PAPOLA: variants seen among roughly 807,000 people sequenced by gnomAD.
The protein encoded by PAPOLA is polynucleotide adenylyltransferase alpha.
PAPOLA carries 15 observed loss-of-function variants against 100.6 expected under a neutral mutation model. The ratio of observed to expected loss-of-function variants is 0.15; its 90% CI spans 0.10 to 0.23. PAPOLA has a LOEUF of 0.23. Among genes scored for constraint, PAPOLA ranks in the 10% least tolerant of loss-of-function variants. The pLI is 1.00. For missense variants in PAPOLA, 533 were observed against 884.2 expected (o/e 0.60, Z 5.04); for synonymous variants, 293 against 300.0 (o/e 0.98, Z 0.24).
Position 96,552,912 on chromosome 14 carries a change from C to T in PAPOLA, c.1664+290C>T, listed in dbSNP as rs545712392. On this transcript the variant is annotated intron_variant, in intron 17 of 21. Transcript: ENST00000216277. ...TATTTAGATAGCTACTGCTACAGTG[C>T]ACTGTATGGTGTGCTGATGAGAACA... 4.4e-5 allele frequency: 15 copies of T among 342,054 alleles called. No individual in the cohort carries two copies. The South Asian group carries it at 5.3e-4, about 12-fold the overall frequency. The allele number at this position is 342,054 out of a possible 1,614,324, so 21.2% of individuals were successfully genotyped here. A position where few individuals can be genotyped will look rare whatever the true frequency, so the allele number is the denominator to read the frequency against.
At chr14:96,542,980 A>G (rs1900115006) in intron 14 of PAPOLA, 87 bp downstream of exon 14, 29 of 1,382,356 alleles carry the variant, frequency 2.1e-5, no homozygotes, top group Non-Finnish European at 2.6e-5. Context: ...TAACTAGTAT[A>G]ACTATTCTGT....
At chr14:96,512,851 A>C (rs1366249377) in intron 1 of PAPOLA, among the ~76,000 whole-genome samples, 2 of 152,218 alleles carry the variant, frequency 1.3e-5, no homozygotes, top group East Asian at 3.8e-4. Context: ...AAAGGTTCAA[A>C]TTCCAGAACC....
chr14:96,553,923 A>G (rs1287485908), intron 17 of PAPOLA, among the ~76,000 whole-genome samples: 1 of 152,040 alleles, frequency 6.6e-6, no homozygotes, highest in Admixed American at 6.6e-5. Context: ...TTTCTTTTGG[A>G]CTTCATGTGT....
chr14:96,524,805 C>T (rs1201178800), intron 3 of PAPOLA, among the ~76,000 whole-genome samples: 5 of 152,170 alleles, frequency 3.3e-5, no homozygotes, highest in Non-Finnish European at 7.4e-5. Context: ...TAGGCGTGAG[C>T]CACTGTGTGT....
intron 19 of PAPOLA, 97 bp downstream of exon 19, chr14:96,556,510 G>C: frequency 3.6e-6 from 3 of 828,388 alleles, no homozygotes; most frequent in South Asian, 3.3e-5. Context: ...AATAGAGAAG[G>C]ATCAAGGAAC....
At position 96,565,325 on chromosome 14, in the gene PAPOLA, C is replaced by T. The variant is rs1401247030; in HGVS notation, c.*275C>T. The T allele has an allele frequency of 5.8e-6, 2 of 344,586 alleles. No individual in the cohort carries two copies. The highest frequency in any genetic ancestry group is 1.1e-5 in the Non-Finnish European group (2 of 189,188). The allele number at this position is 344,586 out of a possible 1,614,324, so 21.3% of individuals were successfully genotyped here. On this transcript the variant is annotated 3_prime_UTR_variant, in exon 22 of 22. Coordinates refer to ENST00000216277, the MANE Select transcript of PAPOLA (RefSeq NM_032632.5). The stretch of plus-strand genomic sequence containing the variant: ...AACAACCTCAAGCTATATTTGTATT[C>T]ATAATTGACATCTGGATTGGGTTTA...
At chr14:96,543,311 G>A (rs1444807751) in intron 14 of PAPOLA, among the ~76,000 whole-genome samples, 3 of 152,182 alleles carry the variant, frequency 2.0e-5, no homozygotes, top group Non-Finnish European at 2.9e-5. Flanking sequence ...ATTTATGCGT[G>A]ATTCTGGACT....
intron 1 of PAPOLA, among the ~76,000 whole-genome samples, chr14:96,516,615 A>G (rs1449058970): frequency 2.0e-5 from 3 of 152,332 alleles, no homozygotes; most frequent in Admixed American, 2.0e-4. Flanking sequence ...TTGGGATTAT[A>G]TGCATGAGCC....
At chr14:96,507,976 A>G (rs797005746) in intron 1 of PAPOLA, among the ~76,000 whole-genome samples, 1 of 152,088 alleles carries the variant, frequency 6.6e-6, no homozygotes, top group Non-Finnish European at 1.5e-5. Flanking sequence ...CCCAGGTTCA[A>G]GTGATTCTCC....
chr14:96,522,216 C>T (rs551637712), intron 3 of PAPOLA, among the ~76,000 whole-genome samples: 2 of 146,342 alleles, frequency 1.4e-5, no homozygotes, highest in Non-Finnish European at 3.0e-5. Context: ...GTGCCTCCTG[C>T]GGCCAACTGA....
intron 11 of PAPOLA, among the ~76,000 whole-genome samples, chr14:96,536,741 G>T (rs1899566340): frequency 6.6e-6 from 1 of 151,692 alleles, no homozygotes; most frequent in Admixed American, 6.6e-5. Flanking sequence ...TATGAGCATG[G>T]CATTTTAGAA....
chr14:96,546,173 T>C (rs1239635410), intron 15 of PAPOLA, among the ~76,000 whole-genome samples: 1 of 152,132 alleles, frequency 6.6e-6, no homozygotes, highest in Admixed American at 6.5e-5. Flanking sequence ...AATCAGTCTT[T>C]GACTCCTGTT....
chr14:96,534,697 A>C (rs1566851212), intron 10 of PAPOLA, 134 bp downstream of exon 10: 7 of 1,492,858 alleles, frequency 4.7e-6, no homozygotes, highest in Non-Finnish European at 5.3e-6. Context: ...TCTTTTAGAT[A>C]ACCTCAACTA....
chr14:96,515,241 A>T (rs1455469090), intron 1 of PAPOLA, among the ~76,000 whole-genome samples: 1 of 152,228 alleles, frequency 6.6e-6, no homozygotes, highest in Non-Finnish European at 1.5e-5. Context: ...AACTCCTCGT[A>T]TTCTAAGGAG....
Position 96,566,117 on chromosome 14 carries a change from A to G in PAPOLA, c.*1067A>G, listed in dbSNP as rs567882203. Reference sequence around the variant, plus strand: ...ATTTTGTACACTCCACAGAACTCCTATCTATAGTAAAATTGATTTTCAGTT... The same window carrying G: ...ATTTTGTACACTCCACAGAACTCCTGTCTATAGTAAAATTGATTTTCAGTT... On this transcript the variant is annotated 3_prime_UTR_variant, in exon 22 of 22. Coordinates refer to ENST00000216277, the MANE Select transcript of PAPOLA (RefSeq NM_032632.5). 2 of 392,528 alleles carry G rather than the reference A, an allele frequency of 5.1e-6. No homozygotes were observed. Among genetic ancestry groups the G allele is most frequent in the East Asian group, 3.6e-5 (1 of 27,862 alleles). 24.3% of individuals were successfully genotyped at this position (392,528 alleles called of 1,614,324 possible). A position where few individuals can be genotyped will look rare whatever the true frequency, so the allele number is the denominator to read the frequency against.
chr14:96,534,034 T>G (rs777185708), intron 9 of PAPOLA: 155 of 987,332 alleles, frequency 1.6e-4, no homozygotes, highest in Non-Finnish European at 5.8e-5. Context: ...ACTACACTTG[T>G]CTTACCACTT....
At chr14:96,535,031 G>C (rs1255366560) in intron 10 of PAPOLA, 5 of 979,676 alleles carry the variant, frequency 5.1e-6, no homozygotes, top group Non-Finnish European at 6.1e-6. Flanking sequence ...AAAAAAATTG[G>C]TTTAGATATT....
rs749160955 is a variant in PAPOLA at position 96,532,377 on chromosome 14, C to G, written c.654C>G (p.Asp218Glu). ...DEILHLVPNI[D>E]NFRLTLRAIK... The stretch of plus-strand genomic sequence containing the variant: ...TTTTACATCTAGTACCAAACATTGA[C>G]AACTTCAGGTTAACTCTGAGAGCTA... Residue 218 changes from aspartate to glutamate, a missense_variant, in exon 8 of 22, where the codon GAC becomes GAG. Transcript: ENST00000216277. The G allele has an allele frequency of 6.2e-7, 1 of 1,612,598 alleles. No individual in the cohort carries two copies.
intron 4 of PAPOLA, chr14:96,526,671 G>T (rs943184109): frequency 1.3e-5 from 2 of 152,482 alleles, no homozygotes; most frequent in African/African-American, 2.4e-5. Context: ...TGTATCTGCC[G>T]AGATAGTGTT....
Sources: gnomAD v4.1 joint callset for allele counts (sites outside exome capture counted in the v4.1 genomes callset) on GRCh38, gnomAD v4.1.1 for gene constraint, MANE v1.5 for transcripts, NCBI Gene and HGNC (gene_info 2026-07-23, HGNC 2026-07-21) for gene names.